FGF12: variants seen among roughly 807,000 people sequenced by gnomAD.
FGF12 encodes the protein fibroblast growth factor 12B.
Under a neutral mutation model 23.6 loss-of-function variants are expected in FGF12, and 14 were observed. The ratio of observed to expected loss-of-function variants is 0.59; its 90% CI spans 0.39 to 0.93. FGF12 has a LOEUF of 0.93. Among genes scored for constraint, FGF12 ranks in the 40% least tolerant of loss-of-function variants. The pLI is 0.00. For synonymous variants in FGF12, 62 were observed against 77.3 expected, an observed-to-expected ratio of 0.80 and a Z score of 1.04; for missense variants, 175 against 217.8, an observed-to-expected ratio of 0.80 and a Z score of 1.24.
intron 4 of FGF12, among the ~76,000 whole-genome samples, chr3:192,289,027 T>C (rs1714615444): frequency 6.6e-6 from 1 of 152,140 alleles, no homozygotes. Flanking sequence ...TACTCAAGTC[T>C]ATTATCACCA....
intron 5 of FGF12, among the ~76,000 whole-genome samples, chr3:192,168,073 T>G (rs1715329457): frequency 6.6e-6 from 1 of 151,862 alleles, no homozygotes. Context: ...CCTAGGTGTA[T>G]TTTTAAGTGG....
chr3:192,626,681 T>C (rs577763961), intron 2 of FGF12, among the ~76,000 whole-genome samples: 2 of 152,284 alleles, frequency 1.3e-5, no homozygotes, highest in African/African-American at 2.4e-5. Flanking sequence ...GGTGCTATCA[T>C]AGCTCCCTGC....
rs1459698854 is a variant in FGF12, at chr3:192,158,332, C to CTTTCTTTTTCTT, written c.427+12125_427+12126insAAGAAAAAGAAA. On this transcript the variant is annotated intron_variant, in intron 5 of 5. Transcript: ENST00000445105. ...CCCTTTTCTCTTTCTTTCTTTCTTT[C>CTTTCTTTTTCTT]TCTTTCTTTCTTTCTTTCTTTCTTT... Among the ~76,000 whole-genome samples the CTTTCTTTTTCTT allele has an allele frequency of 7.6e-3, 857 of 112,440 alleles. 20 individuals are homozygous for CTTTCTTTTTCTT. The highest frequency in any genetic ancestry group is 0.029 in the African/African-American group (813 of 28,242). 73.8% of individuals were successfully genotyped at this position (112,440 alleles called of 152,430 possible).
intron 4 of FGF12, among the ~76,000 whole-genome samples, chr3:192,316,540 T>C (rs1716236130): frequency 6.6e-6 from 1 of 152,136 alleles, no homozygotes; most frequent in Non-Finnish European, 1.5e-5. Flanking sequence ...GTGAAGAACT[T>C]GCCGGTGCCC....
chr3:192,320,597 A>G (rs1019138589), intron 4 of FGF12, among the ~76,000 whole-genome samples: 4 of 152,172 alleles, frequency 2.6e-5, no homozygotes, highest in Non-Finnish European at 5.9e-5. Flanking sequence ...AAACTGAGAT[A>G]GTATCAAGTA....
intron 2 of FGF12, among the ~76,000 whole-genome samples, chr3:192,586,766 A>G (rs927944564): frequency 6.6e-6 from 1 of 152,214 alleles, no homozygotes; most frequent in Non-Finnish European, 1.5e-5. Flanking sequence ...AGGTAACGCC[A>G]TAGAGATCCA....
At chr3:192,673,749 A>T (rs992649867) in intron 2 of FGF12, among the ~76,000 whole-genome samples, 2 of 151,136 alleles carry the variant, frequency 1.3e-5, no homozygotes, top group African/African-American at 4.8e-5. Context: ...ATAGTATTCC[A>T]TGGTGTATAT....
intron 4 of FGF12, among the ~76,000 whole-genome samples, chr3:192,308,792 T>C (rs991085353): frequency 9.2e-5 from 14 of 152,060 alleles, no homozygotes; most frequent in Non-Finnish European, 1.3e-4. Flanking sequence ...TGACGGAGCA[T>C]TGGGTAGGGG....
intron 2 of FGF12, among the ~76,000 whole-genome samples, chr3:192,484,997 T>TA (rs143487424): frequency 0.023 from 3,481 of 150,672 alleles, 180 homozygotes; most frequent in African/African-American, 0.079. Context: ...TGTGTACACA[T>TA]AAATTTTAAA....
intron 2 of FGF12, among the ~76,000 whole-genome samples, chr3:192,399,421 C>T (rs537658281): frequency 5.3e-5 from 8 of 152,150 alleles, no homozygotes; most frequent in Non-Finnish European, 8.8e-5. Flanking sequence ...GCCAGCCTCT[C>T]GAACTGTGAA....
intron 2 of FGF12, among the ~76,000 whole-genome samples, chr3:192,398,462 T>G (rs1189553448): frequency 1.3e-5 from 2 of 151,030 alleles, no homozygotes. Flanking sequence ...CTTGGCACAC[T>G]GCAACCTACA....
intron 5 of FGF12, among the ~76,000 whole-genome samples, chr3:192,157,538 T>C (rs1714493431): frequency 6.6e-6 from 1 of 152,224 alleles, no homozygotes; most frequent in South Asian, 2.1e-4. Flanking sequence ...TATTTTTCTA[T>C]TACATTCTTT....
intron 2 of FGF12, among the ~76,000 whole-genome samples, chr3:192,502,577 T>C (rs1560131390): frequency 6.6e-6 from 1 of 152,200 alleles, no homozygotes; most frequent in East Asian, 1.9e-4. Context: ...CTGTGATTAC[T>C]TTTTCTGGAC....
chr3:192,193,350 C>T (rs1178275897), intron 4 of FGF12, among the ~76,000 whole-genome samples: 1 of 152,090 alleles, frequency 6.6e-6, no homozygotes, highest in Admixed American at 6.5e-5. Context: ...ATGATACTGC[C>T]ACGATCACCC....
chr3:192,682,508 T>C lies in FGF12; in HGVS notation c.13+44673A>G, dbSNP rs763131240. ...AAGTGAGAGGTTTAGACTAAATGAT[T>C]TCTAAGATTCATTCCTCCTCAACAT... On this transcript the variant is annotated intron_variant, in intron 2 of 5. Transcript: ENST00000445105. 2.0e-5 allele frequency among the ~76,000 whole-genome samples: 3 copies of C among 152,344 alleles called. 1 individual carries two copies. The highest frequency in any genetic ancestry group is 4.4e-5 in the Non-Finnish European group (3 of 68,024).
chr3:192,156,816 G>A (rs1014965144), intron 5 of FGF12, among the ~76,000 whole-genome samples: 1 of 152,164 alleles, frequency 6.6e-6, no homozygotes, highest in Non-Finnish European at 1.5e-5. Flanking sequence ...GTTTTGAAGA[G>A]GAAGCATTTC....
At chr3:192,519,746 G>A (rs924502740) in intron 2 of FGF12, among the ~76,000 whole-genome samples, 1 of 152,140 alleles carries the variant, frequency 6.6e-6, no homozygotes, top group East Asian at 1.9e-4. Context: ...TGTAAGAGCT[G>A]TTCCTTCTCC....
intron 4 of FGF12, among the ~76,000 whole-genome samples, chr3:192,279,353 G>A (rs1369554119): frequency 6.6e-6 from 1 of 151,910 alleles, no homozygotes; most frequent in Non-Finnish European, 1.5e-5. Context: ...GACTCTAAGA[G>A]AGAGCATTTA....
intron 4 of FGF12, among the ~76,000 whole-genome samples, chr3:192,289,943 C>T (rs1001400825): frequency 6.6e-6 from 1 of 152,068 alleles, no homozygotes; most frequent in East Asian, 1.9e-4. Flanking sequence ...TCATCTTTCT[C>T]TTATGGATGA....
Sources: gnomAD v4.1 joint callset for allele counts (sites outside exome capture counted in the v4.1 genomes callset) on GRCh38, gnomAD v4.1.1 for gene constraint, MANE v1.5 for transcripts, NCBI Gene and HGNC (gene_info 2026-07-23, HGNC 2026-07-21) for gene names.